Variants in MMP26 observed in about 807,000 individuals in gnomAD.
MMP26 encodes matrix metallopeptidase 26, also known as matrix metalloproteinase-26.
A neutral mutation model predicts 31.0 loss-of-function variants in MMP26; 33 were observed. The observed-to-expected ratio is 1.06, with a 90% confidence interval of 0.81 to 1.42. The LOEUF is 1.42. Ranked by LOEUF, MMP26 falls within the 40% of genes most tolerant of loss-of-function variation. The pLI, the probability that MMP26 is intolerant of heterozygous loss-of-function variation, is 0.00. For missense variants in MMP26, 347 were observed against 316.1 expected (o/e 1.10, Z -0.74); for synonymous variants, 122 against 114.9 (o/e 1.06, Z -0.40).
At position 4,988,133 on chromosome 11, in the gene MMP26, G is replaced by T; in HGVS notation, c.-79G>T. ...AAACTGGCAGAGTGAGTCATTGGAT[G>T]TTGCTGGCACAGCTATAAAGATCCA... On this transcript the variant is annotated 5_prime_UTR_variant, in exon 3 of 8. An upstream start codon of the reference 5' UTR is lost. Transcript: ENST00000380390. 7.9e-7 allele frequency: 1 copy of T among 1,267,046 alleles called. No individual in the cohort carries two copies. Among genetic ancestry groups the T allele is most frequent in the African/African-American group, 1.5e-5 (1 of 68,182 alleles). 78.5% of individuals were successfully genotyped at this position (1,267,046 alleles called of 1,614,324 possible). A position where few individuals can be genotyped will look rare whatever the true frequency, so the allele number is the denominator to read the frequency against.
intron 1 of MMP26, among the ~76,000 whole-genome samples, chr11:4,729,031 T>TA (rs1034856238): frequency 7.2e-5 from 11 of 151,770 alleles, no homozygotes; most frequent in African/African-American, 2.4e-4. Flanking sequence ...ATGCTTTGCA[T>TA]AAAAAATCAT....
At chr11:4,749,454 G>T (rs550102709) in intron 1 of MMP26, among the ~76,000 whole-genome samples, 182 of 151,758 alleles carry the variant, frequency 1.2e-3, no homozygotes, top group Non-Finnish European at 2.2e-3. Flanking sequence ...TATAAAAAAG[G>T]AGCCTGAATA....
At chr11:4,916,751 C>T (rs994296642) in intron 2 of MMP26, among the ~76,000 whole-genome samples, 3 of 152,156 alleles carry the variant, frequency 2.0e-5, no homozygotes, top group Non-Finnish European at 4.4e-5. Context: ...TAGAGTAAGA[C>T]ATCAAAGCCC....
intron 2 of MMP26, among the ~76,000 whole-genome samples, chr11:4,901,770 G>A (rs7945072): frequency 0.033 from 4,979 of 152,132 alleles, 272 homozygotes; most frequent in African/African-American, 0.11. Flanking sequence ...CACCTAAAGA[G>A]CACTGTGTTT....
At chr11:4,874,422 G>T (rs1251176036) in intron 2 of MMP26, among the ~76,000 whole-genome samples, 1 of 151,890 alleles carries the variant, frequency 6.6e-6, no homozygotes, top group East Asian at 1.9e-4. Context: ...TCCTTTCTAT[G>T]ACCAAGGCTC....
At position 4,704,908 on chromosome 11, in the gene MMP26, TA is replaced by T. The variant is rs2133259926; in HGVS notation, c.-352del. On this transcript the variant is annotated 5_prime_UTR_variant, in exon 1 of 8. Transcript: ENST00000380390. ...TAGTAGTACAGAACCTTTCTGCAAG[TA>T]AGTTAGTGAGGTTGAGATAACTCTC... 1 of 152,344 alleles carries T rather than the reference TA, an allele frequency of 6.6e-6. No individual in the cohort carries two copies. The highest frequency in any genetic ancestry group is 2.4e-5 in the African/African-American group (1 of 41,576). 9.4% of individuals were successfully genotyped at this position (152,344 alleles called of 1,614,324 possible).
chr11:4,709,935 G>A (rs751303453), intron 1 of MMP26: 7 of 456,810 alleles, frequency 1.5e-5, no homozygotes, highest in African/African-American at 1.4e-4. Context: ...AATGGCCTTT[G>A]ACCGCTTTAT....
chr11:4,942,526 T>C (rs1489992385), intron 2 of MMP26, among the ~76,000 whole-genome samples: 1 of 152,194 alleles, frequency 6.6e-6, no homozygotes, highest in African/African-American at 2.4e-5. Context: ...TAAGTTTTAC[T>C]TTCTAAAATT....
At chr11:4,848,618 G>T (rs771058907) in intron 2 of MMP26, 1 of 1,609,258 alleles carries the variant, frequency 6.2e-7, no homozygotes. Flanking sequence ...AAGCTTCTGG[G>T]CAGGCCAAAC....
chr11:4,734,825 AATAG>A (rs1250586829), intron 1 of MMP26, among the ~76,000 whole-genome samples: 2 of 152,208 alleles, frequency 1.3e-5, no homozygotes, highest in Non-Finnish European at 2.9e-5. Context: ...GCATAGGCAG[AATAG>A]CATCGCATAG....
rs1325052367 is a variant in MMP26, at chr11:4,991,408, T to C, written c.507T>C (p.Gly169=). The C allele has an allele frequency of 6.2e-7, 1 of 1,613,810 alleles. No individual in the cohort carries two copies. Among genetic ancestry groups the C allele is most frequent in the Non-Finnish European group, 8.5e-7 (1 of 1,179,854 alleles). Residue 169 remains glycine (G), a synonymous_variant, in exon 6 of 8, where the codon GGT becomes GGC. Transcript: ENST00000380390. Reference sequence around the variant, plus strand: ...GTTGGCCCTTTGATGGGCCAGGTGGTATCTTAGGCCATGCCTTTTTACCAA... The same window carrying C: ...GTTGGCCCTTTGATGGGCCAGGTGGCATCTTAGGCCATGCCTTTTTACCAA... The part of the protein sequence containing the change: ...EDGWPFDGPG[G]ILGHAFLPNS...
At chr11:4,801,184 C>A (rs1564912621) in intron 2 of MMP26, among the ~76,000 whole-genome samples, 1 of 152,192 alleles carries the variant, frequency 6.6e-6, no homozygotes, top group Non-Finnish European at 1.5e-5. Context: ...TCTCTGAACT[C>A]TTCTAACCTC....
chr11:4,903,710 A>C (rs914454065), intron 2 of MMP26: 1 of 152,126 alleles, frequency 6.6e-6, no homozygotes, highest in African/African-American at 2.4e-5. Context: ...ACCTGAGGAA[A>C]AGAGAAGTAG....
rs566222102 is a variant in MMP26 at position 4,710,450 on chromosome 11, C to G, written c.-217+5405C>G. On this transcript the variant is annotated intron_variant, in intron 1 of 7. Coordinates refer to ENST00000380390, the MANE Select transcript of MMP26 (RefSeq NM_021801.5). ...CTCCTGTAATGAATCCCATAATCTA[C>G]AGTGTAAAGACCAAGTAAATTCGCA... The G allele has an allele frequency of 5.5e-5, 25 of 456,438 alleles. No homozygotes were observed. The East Asian group carries it at 1.7e-3, about 32-fold the overall frequency. The allele number at this position is 456,438 out of a possible 1,614,324, so 28.3% of individuals were successfully genotyped here.
chr11:4,742,836 C>G (rs1018801824), intron 1 of MMP26, among the ~76,000 whole-genome samples: 1 of 152,068 alleles, frequency 6.6e-6, no homozygotes, highest in East Asian at 1.9e-4. Context: ...TACAATGTGT[C>G]AGGCCTGGTA....
intron 1 of MMP26, among the ~76,000 whole-genome samples, chr11:4,761,128 T>C: frequency 6.6e-6 from 1 of 152,044 alleles, no homozygotes; most frequent in East Asian, 1.9e-4. Flanking sequence ...TTTCAAGGTG[T>C]GGAGAATTGA....
At chr11:4,768,899 T>C (rs1564904913) in intron 2 of MMP26, 3 of 779,790 alleles carry the variant, frequency 3.8e-6, no homozygotes, top group East Asian at 2.5e-5. Flanking sequence ...CCACATGCAA[T>C]AGGCAGTAAG....
chr11:4,852,422 G>A (rs1009858828), intron 2 of MMP26, among the ~76,000 whole-genome samples: 1 of 152,154 alleles, frequency 6.6e-6, no homozygotes, highest in Non-Finnish European at 1.5e-5. Flanking sequence ...AATTTTCTGT[G>A]TGAAGAACTG....
intron 2 of MMP26, among the ~76,000 whole-genome samples, chr11:4,884,334 CTCAGCGGGAA>C (rs1236466881): frequency 5.3e-5 from 8 of 152,204 alleles, no homozygotes; most frequent in African/African-American, 1.9e-4. Context: ...GCCTTGTGCA[CTCAGCGGGAA>C]GTCTTTGTAT....
Sources: gnomAD v4.1 joint callset for allele counts (sites outside exome capture counted in the v4.1 genomes callset) on GRCh38, gnomAD v4.1.1 for gene constraint, MANE v1.5 for transcripts, NCBI Gene and HGNC (gene_info 2026-07-23, HGNC 2026-07-21) for gene names.